KAZN: variants seen among roughly 807,000 people sequenced by gnomAD.
The protein encoded by KAZN is kazrin.
A neutral mutation model predicts 87.4 loss-of-function variants in KAZN; 40 were observed. The observed-to-expected ratio is 0.46, with a 90% confidence interval of 0.36 to 0.60. KAZN has a LOEUF of 0.60. KAZN is among the 20% of genes least tolerant of loss of function. KAZN has a pLI of 0.00. For synonymous variants in KAZN, 466 were observed against 458.3 expected (o/e 1.02, Z -0.22); for missense variants, 898 against 1,073.9 (o/e 0.84, Z 2.29).
chr1:14,692,297 CTT>C, intron 1 of KAZN: 1 of 595,716 alleles, frequency 1.7e-6, no homozygotes, highest in Non-Finnish European at 2.7e-6. Flanking sequence ...TCTCTGCCTG[CTT>C]TTTAATGGCA....
At chr1:14,122,214 G>A (rs1644766963) in intron 1 of KAZN, among the ~76,000 whole-genome samples, 1 of 152,162 alleles carries the variant, frequency 6.6e-6, no homozygotes, top group African/African-American at 2.4e-5. Flanking sequence ...ATGTTTTAAA[G>A]AAGAAATAAA....
intron 1 of KAZN, among the ~76,000 whole-genome samples, chr1:13,983,648 G>A (rs558539971): frequency 1.3e-5 from 2 of 152,346 alleles, no homozygotes; most frequent in South Asian, 2.1e-4. Context: ...CTCAAGTGCC[G>A]CCAAAGTGGG....
chr1:14,508,586 G>A (rs1311744277), intron 2 of KAZN, among the ~76,000 whole-genome samples: 1 of 152,184 alleles, frequency 6.6e-6, no homozygotes, highest in Admixed American at 6.5e-5. Flanking sequence ...GAATCACCTG[G>A]TTTCAATAGA....
chr1:14,472,182 T>C (rs1261651264), intron 2 of KAZN, among the ~76,000 whole-genome samples: 1 of 152,068 alleles, frequency 6.6e-6, no homozygotes, highest in Non-Finnish European at 1.5e-5. Flanking sequence ...CTTAATCAGG[T>C]CCTGAAAGGC....
intron 1 of KAZN, among the ~76,000 whole-genome samples, chr1:14,757,417 C>T (rs1644600861): frequency 6.6e-6 from 1 of 152,190 alleles, no homozygotes; most frequent in Admixed American, 6.5e-5. Context: ...AATCTAAGGA[C>T]TGGGTTGGTT....
chr1:13,917,797 CAAAAA>C (rs35268955), intron 1 of KAZN, among the ~76,000 whole-genome samples: 2,162 of 77,952 alleles, frequency 0.028, 25 homozygotes, highest in South Asian at 0.072. Context: ...CCTGTGTCAT[CAAAAA>C]AAAAAAAAAA....
At chr1:14,878,902 G>A (rs1487735932) in intron 1 of KAZN, among the ~76,000 whole-genome samples, 1 of 152,232 alleles carries the variant, frequency 6.6e-6, no homozygotes, top group Non-Finnish European at 1.5e-5. Flanking sequence ...TCTAGTTCCT[G>A]AGGCCTAAGC....
chr1:14,279,422 A>T lies in KAZN; in HGVS notation c.249+98830A>T, dbSNP rs74057140. On this transcript the variant is annotated intron_variant, in intron 2 of 16. Coordinates refer to the KAZN transcript ENST00000636203. Reference sequence around the variant, plus strand: ...TCCCAAATTGAACTGGTCTCATCAGAGTCACACGAAGGCATTTTTAAACAA... The same window carrying T: ...TCCCAAATTGAACTGGTCTCATCAGTGTCACACGAAGGCATTTTTAAACAA... Among the ~76,000 whole-genome samples, 1,457 of 152,314 alleles carry T rather than the reference A, an allele frequency of 9.6e-3. 26 individuals carry two copies. The highest frequency in any genetic ancestry group is 0.031 in the African/African-American group (1,294 of 41,576).
rs1663195615 is a variant in KAZN at position 14,399,453 on chromosome 1, A to G, written c.250-199530A>G. On this transcript the variant is annotated intron_variant, in intron 2 of 16. Coordinates refer to the KAZN transcript ENST00000636203. Reference sequence around the variant, plus strand: ...GAGTTTAATGATGGAAAGTCTAGATACCTTGATAGTCATTGGTAAAGGTAA... The same window carrying G: ...GAGTTTAATGATGGAAAGTCTAGATGCCTTGATAGTCATTGGTAAAGGTAA... Among the ~76,000 whole-genome samples the G allele has an allele frequency of 2.6e-5, 4 of 152,260 alleles. No individual in the cohort carries two copies. In the South Asian group the frequency reaches 8.3e-4, roughly 32 times the overall value.
Position 14,303,980 on chromosome 1 carries a change from C to T in KAZN, c.249+123388C>T, listed in dbSNP as rs150120691. On this transcript the variant is annotated intron_variant, in intron 2 of 16. Transcript: ENST00000636203. Reference sequence around the variant, plus strand: ...AACAACCCTTCCTCCAGAGTATACCCGACTCTCAAAATGTTAGCGAGCTTG... The same window carrying T: ...AACAACCCTTCCTCCAGAGTATACCTGACTCTCAAAATGTTAGCGAGCTTG... Among the ~76,000 whole-genome samples, 77 of 152,248 alleles carry T rather than the reference C, an allele frequency of 5.1e-4. No individual in the cohort carries two copies. In the East Asian group the frequency reaches 0.012, roughly 24 times the overall value.
intron 1 of KAZN, among the ~76,000 whole-genome samples, chr1:14,066,570 T>A (rs938520880): frequency 8.3e-4 from 127 of 152,274 alleles, no homozygotes; most frequent in African/African-American, 3.0e-3. Flanking sequence ...ATGCTTTTGG[T>A]CCCTTAACTA....
At chr1:14,232,830 C>T (rs1454291463) in intron 2 of KAZN, among the ~76,000 whole-genome samples, 1 of 152,074 alleles carries the variant, frequency 6.6e-6, no homozygotes, top group Non-Finnish European at 1.5e-5. Context: ...ACAAACTTCT[C>T]AAGATATCTC....
chr1:15,058,573 G>A (rs564099300), intron 5 of KAZN, among the ~76,000 whole-genome samples: 1 of 152,186 alleles, frequency 6.6e-6, no homozygotes, highest in South Asian at 2.1e-4. Flanking sequence ...TGTGGCTTCT[G>A]GTCTGGACCT....
intron 2 of KAZN, among the ~76,000 whole-genome samples, chr1:14,380,971 G>A (rs897212001): frequency 6.6e-6 from 1 of 152,140 alleles, no homozygotes; most frequent in Non-Finnish European, 1.5e-5. Flanking sequence ...GATCCTAAAA[G>A]TAGTGAGAGA....
intron 1 of KAZN, among the ~76,000 whole-genome samples, chr1:13,969,147 T>A (rs993350609): frequency 6.6e-6 from 1 of 152,204 alleles, no homozygotes; most frequent in Non-Finnish European, 1.5e-5. Flanking sequence ...GTTTCTGCCC[T>A]CAGGAAGTTT....
chr1:13,914,293 C>T (rs928837540), intron 1 of KAZN, among the ~76,000 whole-genome samples: 2 of 152,250 alleles, frequency 1.3e-5, no homozygotes, highest in Non-Finnish European at 2.9e-5. Flanking sequence ...GCTATGTGAG[C>T]CTGGCAGTTC....
intron 2 of KAZN, among the ~76,000 whole-genome samples, chr1:14,190,307 A>T (rs1198584721): frequency 6.6e-6 from 1 of 151,896 alleles, no homozygotes. Flanking sequence ...GACGCCAAAC[A>T]CTCTGCTAAG....
intron 1 of KAZN, among the ~76,000 whole-genome samples, chr1:14,798,829 C>T (rs1049075419): frequency 2.6e-5 from 4 of 152,098 alleles, no homozygotes; most frequent in Non-Finnish European, 5.9e-5. Flanking sequence ...GGCATGATCT[C>T]GGCTCACTGC....
intron 2 of KAZN, among the ~76,000 whole-genome samples, chr1:14,214,382 A>G (rs1412339007): frequency 6.6e-6 from 1 of 152,198 alleles, no homozygotes; most frequent in African/African-American, 2.4e-5. Flanking sequence ...CAGCACCACA[A>G]CCATGTCTGA....
Sources: allele counts gnomAD v4.1 joint callset (sites outside exome capture counted in the v4.1 genomes callset), GRCh38; gene constraint gnomAD v4.1.1; transcripts MANE v1.5; gene names NCBI Gene and HGNC (gene_info 2026-07-23, HGNC 2026-07-21).